SNX25: variants seen among roughly 807,000 people sequenced by gnomAD.
The protein encoded by SNX25 is sorting nexin 25.
Under a neutral mutation model 113.7 loss-of-function variants are expected in SNX25, and 62 were observed. That is an observed-to-expected ratio of 0.55 (90% CI 0.44 to 0.67). SNX25 has a LOEUF of 0.67. SNX25 is among the 30% of genes least tolerant of loss of function. The pLI, the probability that SNX25 is intolerant of heterozygous loss-of-function variation, is 0.00. For synonymous variants in SNX25, 421 were observed against 436.2 expected (o/e 0.97, Z 0.43); for missense variants, 1,014 against 1,161.0 (o/e 0.87, Z 1.84).
At chr4:185,331,955 G>T (rs1473779998) in intron 9 of SNX25, among the ~76,000 whole-genome samples, 1 of 152,230 alleles carries the variant, frequency 6.6e-6, no homozygotes, top group Non-Finnish European at 1.5e-5. Context: ...GCAATTCTCT[G>T]CAGTGCCCTG....
chr4:185,275,429 G>T (rs1468721466), intron 5 of SNX25, among the ~76,000 whole-genome samples: 2 of 152,074 alleles, frequency 1.3e-5, no homozygotes, highest in South Asian at 4.1e-4. Flanking sequence ...GAGGAAAGGG[G>T]CATAATTAAT....
intron 10 of SNX25, among the ~76,000 whole-genome samples, chr4:185,337,865 T>C (rs1420193766): frequency 6.6e-6 from 1 of 152,246 alleles, no homozygotes; most frequent in African/African-American, 2.4e-5. Flanking sequence ...ATCCTACTAC[T>C]ATCTTATTAA....
chr4:185,264,578 G>A lies in SNX25; in HGVS notation c.872G>A (p.Arg291His), dbSNP rs1414711920. ...AAGGATGTGCAGTCTCTCAGCTTAC[G>A]TATAATGCTTGCAGAAATTCTCACA... The part of the protein sequence containing the change: ...PSKDVQSLSL[R>H]IMLAEILTTK... The change falls in exon 4 of 19, where the codon CGT (arginine) becomes CAT (histidine). Residue 291 changes from arginine (R) to histidine (H), a missense_variant. Physicochemically the swap from Arg to His is conservative, Grantham distance 29. Transcript: ENST00000652585. 6.2e-6 allele frequency: 10 copies of A among 1,613,830 alleles called. No homozygotes were observed. The highest frequency in any genetic ancestry group is 3.3e-5 in the South Asian group (3 of 91,076).
chr4:185,370,974 T>C, downstream of SNX25: 2 of 644,774 alleles, frequency 3.1e-6, no homozygotes, highest in East Asian at 2.8e-5. Context: ...TGTAGGCACC[T>C]CATACCAGGA....
chr4:185,277,820 C>T (rs1385997946), intron 5 of SNX25, among the ~76,000 whole-genome samples: 2 of 49,208 alleles, frequency 4.1e-5, no homozygotes, highest in Non-Finnish European at 8.6e-5. Context: ...GCAAGCTCCG[C>T]CTCCCGGGTT....
intron 6 of SNX25, among the ~76,000 whole-genome samples, chr4:185,307,520 C>T (rs993806848): frequency 2.0e-5 from 3 of 152,146 alleles, no homozygotes; most frequent in Admixed American, 2.0e-4. Context: ...TTACCTCAGG[C>T]CTCTGATCAC....
In SNX25 at chr4:185,210,606, C is replaced by T. The variant is rs188420359; in HGVS notation, c.429+351C>T. 7.5e-4 allele frequency among the ~76,000 whole-genome samples: 114 copies of T among 152,188 alleles called. 1 individual carries two copies. Among genetic ancestry groups the T allele is most frequent in the East Asian group, 1.9e-4 (1 of 5,150 alleles). On this transcript the variant is annotated intron_variant, in intron 1 of 18. Transcript: ENST00000652585. This position sits in a 1 kb window ranked among gnomAD's most constrained non-coding sequence, Gnocchi z 4.4. ...AAGAAGGGAATCACAGCGTTCGCTA[C>T]GTGCAGGCTCTGCGCACGGTCCTGG...
At position 185,212,494 on chromosome 4, in the gene SNX25, T is replaced by TTTGTTTTC. The variant is rs751413413; in HGVS notation, c.429+2241_429+2242insGTTTTCTT. Among the ~76,000 whole-genome samples the TTTGTTTTC allele has an allele frequency of 2.2e-5, 3 of 133,716 alleles. 1 individual carries two copies. The highest frequency in any genetic ancestry group is 4.6e-5 in the Non-Finnish European group (3 of 65,228). 87.7% of individuals were successfully genotyped at this position (133,716 alleles called of 152,430 possible). A position where few individuals can be genotyped will look rare whatever the true frequency, so the allele number is the denominator to read the frequency against. On this transcript the variant is annotated intron_variant, in intron 1 of 18. Coordinates refer to ENST00000652585, the MANE Select transcript of SNX25 (RefSeq NM_001378034.2). ...GTGTGTGTGTGTGTGTGTGTGTGTTTTTTTTTTTTTTTGCTTTGAGACAGG... is the reference window on the plus strand; with the variant it reads ...GTGTGTGTGTGTGTGTGTGTGTGTTTTTGTTTTCTTTTTTTTTTTTGCTTTGAGACAGG...
At chr4:185,356,635 T>G (rs1445332796) in intron 15 of SNX25, among the ~76,000 whole-genome samples, 1 of 152,252 alleles carries the variant, frequency 6.6e-6, no homozygotes, top group Non-Finnish European at 1.5e-5. Context: ...TAATGTCTAG[T>G]GCCAAGTCTG....
At chr4:185,353,801 T>A (rs1313856388) in intron 15 of SNX25, among the ~76,000 whole-genome samples, 199 bp downstream of exon 15, 1 of 152,060 alleles carries the variant, frequency 6.6e-6, no homozygotes, top group Non-Finnish European at 1.5e-5. Context: ...ATCCCAGCAC[T>A]TTGGGAGGCC....
At chr4:185,319,563 G>A (rs2095104124) in intron 7 of SNX25, among the ~76,000 whole-genome samples, 1 of 150,072 alleles carries the variant, frequency 6.7e-6, no homozygotes, top group Admixed American at 6.7e-5. Context: ...AGCACTCAAA[G>A]TCATCTTTGG....
At chr4:185,344,325 C>T (rs1160818231) in intron 12 of SNX25, among the ~76,000 whole-genome samples, 1 of 152,114 alleles carries the variant, frequency 6.6e-6, no homozygotes, top group East Asian at 1.9e-4. Flanking sequence ...TAGGGAGTGT[C>T]AGATGGTGTG....
Position 185,362,069 on chromosome 4 carries a change from CAGAG to C in SNX25, c.2800_2803del (p.Arg934HisfsTer26), listed in dbSNP as rs2095366925. 1.9e-6 allele frequency: 3 copies of C among 1,613,798 alleles called. No individual in the cohort carries two copies. Among genetic ancestry groups the C allele is most frequent in the South Asian group, 1.1e-5 (1 of 91,042 alleles). On this transcript the variant is annotated frameshift_variant, in exon 17 of 19. Coordinates refer to ENST00000652585, the MANE Select transcript of SNX25 (RefSeq NM_001378034.2). LOFTEE classifies it high-confidence loss of function. ...CAAAGAGCAAAGTCAGGAAACAAAA[CAGAG>C]AGCACAGCAAAAGCTGCTTGAAAAC...
At chr4:185,374,849 T>C (rs1023729808), downstream of SNX25, among the ~76,000 whole-genome samples, 2 of 152,162 alleles carry the variant, frequency 1.3e-5, no homozygotes, top group Non-Finnish European at 2.9e-5. Flanking sequence ...AGCTTTCACA[T>C]TTATAATTCT....
downstream of SNX25, chr4:185,370,493 C>A: frequency 1.4e-6 from 1 of 730,096 alleles, no homozygotes; most frequent in Non-Finnish European, 2.2e-6. Context: ...TGCAAACAAT[C>A]TGCATGTCTG....
Position 185,310,766 on chromosome 4 carries a change from C to G in SNX25, c.1294C>G (p.Gln432Glu). 6.2e-7 allele frequency: 1 copy of G among 1,613,648 alleles called. No homozygotes were observed. The highest frequency in any genetic ancestry group is 8.5e-7 in the Non-Finnish European group (1 of 1,179,792). Residue 432 changes from glutamine to glutamate, a missense_variant, in exon 7 of 19, where the codon CAG (glutamine) becomes GAG (glutamate). By Grantham distance (29) the Gln-to-Glu change is conservative. Coordinates refer to ENST00000652585, the MANE Select transcript of SNX25 (RefSeq NM_001378034.2). ...IRILGGPAYD[Q>E]QEDGALDEGE... ...AATCCTGGGAGGCCCTGCCTATGAC[C>G]AGCAAGAGGATGGGGCCCTGGATGA...
At chr4:185,336,704 G>A (rs776735848) in intron 10 of SNX25, among the ~76,000 whole-genome samples, 10 of 152,092 alleles carry the variant, frequency 6.6e-5, no homozygotes, top group African/African-American at 1.4e-4. Context: ...TGGATCAAAC[G>A]GTAGATCTTT....
chr4:185,338,205 G>T (rs764710840), intron 10 of SNX25, among the ~76,000 whole-genome samples: 1 of 151,220 alleles, frequency 6.6e-6, no homozygotes, highest in Non-Finnish European at 1.5e-5. Flanking sequence ...TTTGTTGCCT[G>T]TGCTTTTTGT....
At chr4:185,349,320 G>A (rs2095304255) in intron 13 of SNX25, among the ~76,000 whole-genome samples, 2 of 152,266 alleles carry the variant, frequency 1.3e-5, no homozygotes, top group African/African-American at 2.4e-5. Context: ...TCTGTTGGAC[G>A]CCTAAGTTGA....
Sources: allele counts gnomAD v4.1 joint callset (sites outside exome capture counted in the v4.1 genomes callset), GRCh38; gene constraint gnomAD v4.1.1; non-coding constraint Gnocchi (gnomAD v3.1); transcripts MANE v1.5; gene names NCBI Gene and HGNC (gene_info 2026-07-23, HGNC 2026-07-21).